The following FBXW10 variants were observed in gnomAD, a reference collection of about 807,000 sequenced individuals.
FBXW10 encodes the protein F-box and WD repeat domain containing 10.
FBXW10 carries 68 observed loss-of-function variants against 113.1 expected under a neutral mutation model. The observed-to-expected ratio is 0.60, with a 90% CI of 0.49 to 0.74. FBXW10 has a LOEUF of 0.74. Ranked by LOEUF, FBXW10 falls within the 30% of genes least tolerant of loss-of-function variation. The pLI is 0.00. For synonymous variants in FBXW10, 289 were observed against 481.6 expected, an observed-to-expected ratio of 0.60 and a Z score of 5.24; for missense variants, 753 against 1,284.5, an observed-to-expected ratio of 0.59 and a Z score of 6.32.
At chr17:18,755,502 G>A (rs1198579452) in intron 5 of FBXW10, among the ~76,000 whole-genome samples, 5 of 152,048 alleles carry the variant, frequency 3.3e-5, no homozygotes, top group Non-Finnish European at 7.3e-5. Context: ...GTTGCAGTGA[G>A]CTGAGATCGC....
At chr17:18,744,916 T>A in intron 1 of FBXW10, 167 bp downstream of exon 1, 1 of 1,456,158 alleles carries the variant, frequency 6.9e-7, no homozygotes, top group African/African-American at 1.4e-5. Context: ...CCGATCCTGT[T>A]TACCAAAGGA....
rs1401985524 is a variant in FBXW10, at chr17:18,758,411, G to A, written c.1339G>A (p.Val447Ile). The change falls in exon 7 of 14, where the codon GTT (valine) becomes ATT (isoleucine). Residue 447 changes from valine (V) to isoleucine (I), a missense_variant. Val to Ile is a conservative substitution (Grantham distance 29, BLOSUM62 3). Transcript: ENST00000395665. The stretch of plus-strand genomic sequence containing the variant: ...CATCATACAAGTGAAAGCGATACCC[G>A]TTGAATTCCGAGGCCATGCTGGGAG... Reference protein sequence around the residue: ...LDIIQVKAIPVEFRGHAGSVR... With the variant: ...LDIIQVKAIPIEFRGHAGSVR... 56 of 1,610,674 alleles carry A rather than the reference G, an allele frequency of 3.5e-5. No homozygotes were observed. The highest frequency in any genetic ancestry group is 4.5e-5 in the East Asian group (2 of 44,810).
chr17:18,776,223 G>A (rs2035695250), intron 13 of FBXW10, among the ~76,000 whole-genome samples: 1 of 151,926 alleles, frequency 6.6e-6, no homozygotes, highest in African/African-American at 2.4e-5. Flanking sequence ...TGGGAGGCTG[G>A]GGCAGGGGAA....
chr17:18,776,271 T>C (rs978577149), intron 13 of FBXW10, among the ~76,000 whole-genome samples: 1 of 151,884 alleles, frequency 6.6e-6, no homozygotes, highest in Non-Finnish European at 1.5e-5. Flanking sequence ...TGCAGTGAGC[T>C]GAGATCGTGC....
intron 13 of FBXW10, among the ~76,000 whole-genome samples, chr17:18,777,172 C>T (rs2035717637): frequency 6.6e-6 from 1 of 151,586 alleles, no homozygotes; most frequent in African/African-American, 2.4e-5. Context: ...AGCGATTCTC[C>T]TGCCTCAGCC....
chr17:18,774,170 G>GGAGTTGCTTAACATTC (rs2035663318), intron 12 of FBXW10, among the ~76,000 whole-genome samples: 1 of 152,172 alleles, frequency 6.6e-6, no homozygotes, highest in African/African-American at 2.4e-5. Flanking sequence ...AATCACAAGG[G>GGAGTTGCTTAACATTC]TGTCTATCTC....
rs1488674558 is a variant in FBXW10 at position 18,772,755 on chromosome 17, G to T, written c.2278+72G>T. On this transcript the variant is annotated intron_variant, in intron 12 of 13. Coordinates refer to ENST00000395665, the MANE Select transcript of FBXW10 (RefSeq NM_001267585.2). Reference sequence around the variant, plus strand: ...GGTCGGGGTTTGGTGGGGGTGGTGGGAGACGGGGAGGACTGGTTCGTTTGT... The same window carrying T: ...GGTCGGGGTTTGGTGGGGGTGGTGGTAGACGGGGAGGACTGGTTCGTTTGT... The T allele has an allele frequency of 6.8e-6, 9 of 1,319,540 alleles. No homozygotes were observed. The East Asian group carries it at 1.6e-4, about 24-fold the overall frequency. The allele number at this position is 1,319,540 out of a possible 1,614,324, so 81.7% of individuals were successfully genotyped here.
intron 5 of FBXW10, among the ~76,000 whole-genome samples, chr17:18,752,198 G>A (rs1018315768): frequency 6.6e-5 from 10 of 152,130 alleles, no homozygotes; most frequent in East Asian, 3.9e-4. Context: ...AGTAGCGGAC[G>A]GTGTGGCTGT....
At chr17:18,758,540 A>G (rs566000799) in intron 7 of FBXW10, 35 bp downstream of exon 7, 1 of 1,612,446 alleles carries the variant, frequency 6.2e-7, no homozygotes, top group East Asian at 2.2e-5. Flanking sequence ...TCCCTGTCCC[A>G]CCTAGGGCCT....
intron 7 of FBXW10, among the ~76,000 whole-genome samples, chr17:18,762,674 T>C (rs2035409658): frequency 6.6e-6 from 1 of 152,144 alleles, no homozygotes; most frequent in Admixed American, 6.6e-5. Flanking sequence ...GTTTTTCTTT[T>C]CTTCTAACTT....
intron 2 of FBXW10, among the ~76,000 whole-genome samples, chr17:18,749,502 G>C (rs904864491): frequency 1.9e-4 from 29 of 152,106 alleles, no homozygotes; most frequent in Non-Finnish European, 3.8e-4. Context: ...AGCCGAGATC[G>C]CGCCACTACA....
At position 18,768,656 on chromosome 17, in the gene FBXW10, G is replaced by C. The variant is rs771826360; in HGVS notation, c.1827G>C (p.Leu609=). 6.2e-7 allele frequency: 1 copy of C among 1,613,878 alleles called. No individual in the cohort carries two copies. The highest frequency in any genetic ancestry group is 8.5e-7 in the Non-Finnish European group (1 of 1,179,872). The change falls in exon 10 of 14, where the codon CTG becomes CTC. Residue 609 remains leucine (L), a synonymous_variant. Transcript: ENST00000395665. ...WSMVGKYERC[L]MAFKHPKEVL... is the part of the protein sequence containing the mutation. ...TGGTGGGGAAGTACGAGCGCTGCCT[G>C]ATGGCCTTCAAGCATCCCAAGTAGG...
intron 12 of FBXW10, among the ~76,000 whole-genome samples, chr17:18,772,965 G>C (rs950643206): frequency 1.6e-5 from 2 of 122,676 alleles, no homozygotes; most frequent in African/African-American, 3.1e-5. Context: ...TTTCGCTCTT[G>C]TTGCCCAGGC....
At chr17:18,756,769 T>A (rs1473701156) in intron 6 of FBXW10, among the ~76,000 whole-genome samples, 1 of 152,226 alleles carries the variant, frequency 6.6e-6, no homozygotes, top group Non-Finnish European at 1.5e-5. Context: ...AATAAGCAAC[T>A]TTCTGCCATA....
intron 6 of FBXW10, among the ~76,000 whole-genome samples, chr17:18,756,506 T>A (rs897640332): frequency 6.6e-6 from 1 of 152,026 alleles, no homozygotes; most frequent in Non-Finnish European, 1.5e-5. Context: ...AGAAAATGTA[T>A]AGAGAAAGGC....
Position 18,778,544 on chromosome 17 carries a change from AG to A in FBXW10, c.2406del (p.Lys804SerfsTer14), listed in dbSNP as rs201275430. ...ETPGKLPSHP[K>X]KKSWKIPMSP... ...CCTGGAAAACTGCCCAGTCACCCAA[AG>A]AAAAAGTCTTGGAAAATCCCTATGT... On this transcript the variant is annotated frameshift_variant, in exon 14 of 14. Transcript: ENST00000395665. LOFTEE classifies it high-confidence loss of function. 4,264 of 1,613,514 alleles carry A rather than the reference AG, an allele frequency of 2.6e-3. 6 individuals carry two copies. In the African/African-American group the frequency reaches 0.049, roughly 19 times the overall value.
intron 12 of FBXW10, among the ~76,000 whole-genome samples, chr17:18,773,541 T>C (rs1251821855): frequency 1.3e-5 from 2 of 152,154 alleles, no homozygotes; most frequent in Non-Finnish European, 2.9e-5. Flanking sequence ...GCCAATGCCA[T>C]TTATAAGACA....
At chr17:18,754,963 C>G (rs1338123465) in intron 5 of FBXW10, among the ~76,000 whole-genome samples, 2 of 152,148 alleles carry the variant, frequency 1.3e-5, no homozygotes, top group Non-Finnish European at 2.9e-5. Flanking sequence ...TGTATGAAAA[C>G]TTTGAAATGC....
intron 12 of FBXW10, among the ~76,000 whole-genome samples, chr17:18,774,044 G>A (rs2035661021): frequency 7.2e-6 from 1 of 138,884 alleles, no homozygotes; most frequent in Admixed American, 7.1e-5. Context: ...TCTAATGGTT[G>A]CTTAGCATTC....
Sources: allele counts gnomAD v4.1 joint callset (sites outside exome capture counted in the v4.1 genomes callset), GRCh38; gene constraint gnomAD v4.1.1; transcripts MANE v1.5; gene names NCBI Gene and HGNC (gene_info 2026-07-23, HGNC 2026-07-21).